The following ATP11A variants were observed in gnomAD, a reference collection of about 807,000 sequenced individuals.
ATP11A encodes phospholipid-transporting ATPase IH.
ATP11A carries 81 observed loss-of-function variants against 154.4 expected under a neutral mutation model. The ratio of observed to expected loss-of-function variants is 0.52; its 90% CI spans 0.44 to 0.63. The LOEUF (loss-of-function observed/expected upper bound fraction) is 0.63, where lower values mean the gene tolerates loss of function less well. Among genes scored for constraint, ATP11A ranks in the 30% least tolerant of loss-of-function variants. The pLI, the probability that ATP11A is intolerant of heterozygous loss-of-function variation, is 0.00. For missense variants in ATP11A, 1,316 were observed against 1,474.3 expected (o/e 0.89, Z 1.76); for synonymous variants, 623 against 585.9 (o/e 1.06, Z -0.91).
rs201452604 is a variant in ATP11A at position 112,858,301 on chromosome 13, C to T, written c.2667+11C>T. The T allele has an allele frequency of 2.4e-5, 39 of 1,604,744 alleles. 1 individual carries two copies. Among genetic ancestry groups the T allele is most frequent in the Middle Eastern group, 4.0e-4 (2 of 5,012 alleles). On this transcript the variant is annotated intron_variant, in intron 22 of 29. Transcript: ENST00000375645. ...TACTTCTTCTATAAGGTAGGAGGGT[C>T]GCCGCTCCCCCTCACGGTGTTAGCA...
chr13:112,811,579 G>C (rs2078501480), intron 5 of ATP11A: 1 of 152,156 alleles, frequency 6.6e-6, no homozygotes, highest in African/African-American at 2.4e-5. Flanking sequence ...AAACTTCATT[G>C]AAGATTGCAT....
At chr13:112,722,393 T>C (rs1266234750) in intron 1 of ATP11A, among the ~76,000 whole-genome samples, 5 of 152,112 alleles carry the variant, frequency 3.3e-5, no homozygotes, top group Non-Finnish European at 7.4e-5. Flanking sequence ...GAAAGACTTA[T>C]CAGTAGAAAG....
At chr13:112,763,883 G>C (rs928623383) in intron 1 of ATP11A, among the ~76,000 whole-genome samples, 15 of 152,094 alleles carry the variant, frequency 9.9e-5, no homozygotes, top group African/African-American at 3.6e-4. Context: ...TGTCACTTCT[G>C]TCTCCCTAAA....
chr13:112,692,197 C>T (rs1474950598), intron 1 of ATP11A, among the ~76,000 whole-genome samples: 1 of 152,218 alleles, frequency 6.6e-6, no homozygotes, highest in Non-Finnish European at 1.5e-5. Context: ...TGCTTTGTTT[C>T]CTTCGAGCGA....
At chr13:112,776,155 T>C (rs2077344350) in intron 1 of ATP11A, among the ~76,000 whole-genome samples, 1 of 152,212 alleles carries the variant, frequency 6.6e-6, no homozygotes, top group East Asian at 1.9e-4. Context: ...TTGACATCTG[T>C]TACTCGTCCT....
At chr13:112,744,864 TC>T (rs1443629212) in intron 1 of ATP11A, among the ~76,000 whole-genome samples, 1 of 152,212 alleles carries the variant, frequency 6.6e-6, no homozygotes, top group Non-Finnish European at 1.5e-5. Flanking sequence ...CTCAATTTCT[TC>T]AACTGGGAAA....
rs140329614 is a variant in ATP11A at position 112,713,745 on chromosome 13, A to G, written c.39+23290A>G. On this transcript the variant is annotated intron_variant, in intron 1 of 29. Transcript: ENST00000375645. The stretch of plus-strand genomic sequence containing the variant: ...TCTGATGACAGACAGCTAACTGTTG[A>G]TAAGGATAAAATGAAACCAGACATC... Among the ~76,000 whole-genome samples the G allele has an allele frequency of 5.0e-3, 769 of 152,278 alleles. 6 individuals are homozygous for G. The highest frequency in any genetic ancestry group is 0.018 in the African/African-American group (730 of 41,544).
intron 1 of ATP11A, among the ~76,000 whole-genome samples, chr13:112,772,463 G>A (rs2077248468): frequency 6.6e-6 from 1 of 152,158 alleles, no homozygotes; most frequent in Non-Finnish European, 1.5e-5. Context: ...TAAACAATTT[G>A]ATGAGTTTTA....
chr13:112,776,906 T>C (rs1294380746), intron 1 of ATP11A, among the ~76,000 whole-genome samples: 1 of 152,124 alleles, frequency 6.6e-6, no homozygotes, highest in African/African-American at 2.4e-5. Flanking sequence ...CGAGATGACC[T>C]GTCGGGTGAG....
intron 5 of ATP11A, among the ~76,000 whole-genome samples, chr13:112,813,346 T>C (rs921866037): frequency 6.6e-6 from 1 of 152,202 alleles, no homozygotes; most frequent in African/African-American, 2.4e-5. Flanking sequence ...CTCAAGGATA[T>C]GATATAAAGA....
chr13:112,732,242 G>A (rs1334907614), intron 1 of ATP11A, among the ~76,000 whole-genome samples: 2 of 152,148 alleles, frequency 1.3e-5, no homozygotes, highest in Non-Finnish European at 2.9e-5. Context: ...AACTTTAAAC[G>A]TTTCTAAGTT....
chr13:112,776,174 C>T (rs528361841), intron 1 of ATP11A, among the ~76,000 whole-genome samples: 5 of 152,332 alleles, frequency 3.3e-5, no homozygotes, highest in African/African-American at 1.2e-4. Context: ...CTCAAGTGAG[C>T]CCGTCTGCAT....
intron 3 of ATP11A, among the ~76,000 whole-genome samples, chr13:112,805,672 C>CAA (rs1220102979): frequency 0.045 from 3,696 of 82,838 alleles, 92 homozygotes; most frequent in African/African-American, 0.08. Context: ...GAGACTGTCT[C>CAA]AAAAAAAAAA....
At chr13:112,709,198 T>TGGGGAGTCATGCCCTACA (rs1290376708) in intron 1 of ATP11A, among the ~76,000 whole-genome samples, 1 of 152,206 alleles carries the variant, frequency 6.6e-6, no homozygotes, top group African/African-American at 2.4e-5. Context: ...CTAAGGGGTC[T>TGGGGAGTCATGCCCTACA]GGGGAGTCAT....
In ATP11A at chr13:112,859,872, G is replaced by A. The variant is rs534046805; in HGVS notation, c.2728-415G>A. Among the ~76,000 whole-genome samples, 2 of 152,344 alleles carry A rather than the reference G, an allele frequency of 1.3e-5. No individual in the cohort carries two copies. Among genetic ancestry groups the A allele is most frequent in the Admixed American group, 6.5e-5 (1 of 15,302 alleles). Reference sequence around the variant, plus strand: ...GGGGAAGAAGACAGTTCCCATCCGGGAGGGGTGAAGGACTCCCCGGGCATC... The same window carrying A: ...GGGGAAGAAGACAGTTCCCATCCGGAAGGGGTGAAGGACTCCCCGGGCATC... On this transcript the variant is annotated intron_variant, in intron 23 of 29. Transcript: ENST00000375645. The surrounding 1 kb of genome is among the most constrained non-coding windows in gnomAD (Gnocchi z 4.3).
At chr13:112,797,176 G>A (rs908359966) in intron 2 of ATP11A, among the ~76,000 whole-genome samples, 2 of 151,614 alleles carry the variant, frequency 1.3e-5, no homozygotes, top group Non-Finnish European at 2.9e-5. Flanking sequence ...CCAGCTACTT[G>A]GGAGGCTGAG....
chr13:112,780,141 ATACT>A (rs1386698574), intron 1 of ATP11A, among the ~76,000 whole-genome samples: 2 of 152,034 alleles, frequency 1.3e-5, no homozygotes, highest in Non-Finnish European at 2.9e-5. Flanking sequence ...TTTGGCAAAA[ATACT>A]TACAACATTT....
rs1398246708 is a variant in ATP11A, at chr13:112,882,869, G to C, written c.*1003G>C. On this transcript the variant is annotated 3_prime_UTR_variant, in exon 30 of 30. Coordinates refer to ENST00000375645, the MANE Select transcript of ATP11A (RefSeq NM_015205.3). This position sits in a 1 kb window ranked among gnomAD's most constrained non-coding sequence, Gnocchi z 5.1. ...CCGTGGAGGGGTCAACACCAAGGTG[G>C]TGTTCGTGCACCAGAACCTGTCTCG... 4 of 398,746 alleles carry C rather than the reference G, an allele frequency of 1.0e-5. No homozygotes were observed. Among genetic ancestry groups the C allele is most frequent in the Non-Finnish European group, 1.8e-5 (4 of 226,280 alleles). 24.7% of individuals were successfully genotyped at this position (398,746 alleles called of 1,614,324 possible).
chr13:112,822,003 A>T (rs1224488263), intron 8 of ATP11A, among the ~76,000 whole-genome samples: 1 of 152,056 alleles, frequency 6.6e-6, no homozygotes, highest in African/African-American at 2.4e-5. Flanking sequence ...AGACAGCCCC[A>T]CTCTGCCTGT....
Sources: gnomAD v4.1 joint callset for allele counts (sites outside exome capture counted in the v4.1 genomes callset) on GRCh38, gnomAD v4.1.1 for gene constraint, Gnocchi (gnomAD v3.1) non-coding constraint, MANE v1.5 for transcripts, NCBI Gene and HGNC (gene_info 2026-07-23, HGNC 2026-07-21) for gene names.